The following VKORC1L1 variants were observed in gnomAD, a reference collection of about 807,000 sequenced individuals.
The protein encoded by VKORC1L1 is vitamin K epoxide reductase complex subunit 1L1.
VKORC1L1 carries 2 observed loss-of-function variants against 18.9 expected under a neutral mutation model. The observed-to-expected ratio is 0.11, with a 90% confidence interval of 0.04 to 0.33. VKORC1L1 has a LOEUF of 0.33. VKORC1L1 is among the 10% of genes least tolerant of loss of function. The pLI is 1.00. For missense variants in VKORC1L1, 123 were observed against 224.1 expected, an observed-to-expected ratio of 0.55 and a Z score of 2.88; for synonymous variants, 96 against 100.0, an observed-to-expected ratio of 0.96 and a Z score of 0.24.
intron 1 of VKORC1L1, among the ~76,000 whole-genome samples, chr7:65,885,444 T>A (rs1788995551): frequency 6.6e-6 from 1 of 152,210 alleles, no homozygotes; most frequent in Non-Finnish European, 1.5e-5. Context: ...GGAAAATCTT[T>A]CACATATTTA....
chr7:65,942,256 G>A (rs183482106), intron 1 of VKORC1L1, among the ~76,000 whole-genome samples: 2 of 151,914 alleles, frequency 1.3e-5, no homozygotes, highest in African/African-American at 2.4e-5. Flanking sequence ...GGGAGGCTGA[G>A]ACGAGCGGAT....
chr7:65,876,752 C>T (rs1788833548), intron 1 of VKORC1L1, among the ~76,000 whole-genome samples: 1 of 152,282 alleles, frequency 6.6e-6, no homozygotes, highest in East Asian at 1.9e-4. Context: ...GGGCTTTTAA[C>T]ACCTACTTAG....
At chr7:65,931,776 G>A (rs903512689) in intron 1 of VKORC1L1, among the ~76,000 whole-genome samples, 8 of 151,726 alleles carry the variant, frequency 5.3e-5, no homozygotes, top group African/African-American at 1.9e-4. Context: ...AGAATAGCTG[G>A]GATTACAGAC....
chr7:65,905,955 A>G (rs965433035), intron 1 of VKORC1L1, among the ~76,000 whole-genome samples: 1 of 152,102 alleles, frequency 6.6e-6, no homozygotes, highest in Non-Finnish European at 1.5e-5. Context: ...CATAAAACGT[A>G]TACATTTATT....
intron 1 of VKORC1L1, among the ~76,000 whole-genome samples, chr7:65,885,606 G>T (rs1418463783): frequency 6.6e-6 from 1 of 151,986 alleles, no homozygotes; most frequent in Non-Finnish European, 1.5e-5. Flanking sequence ...TAAGGGTAGG[G>T]ATCTAAATTT....
intron 1 of VKORC1L1, among the ~76,000 whole-genome samples, chr7:65,885,272 G>A (rs1255650242): frequency 6.6e-6 from 1 of 151,888 alleles, no homozygotes; most frequent in Non-Finnish European, 1.5e-5. Flanking sequence ...TGCTTTATAG[G>A]AGTTCTTTAG....
At chr7:65,879,734 T>C (rs1235435142) in intron 1 of VKORC1L1, among the ~76,000 whole-genome samples, 2 of 151,942 alleles carry the variant, frequency 1.3e-5, no homozygotes, top group Non-Finnish European at 2.9e-5. Context: ...CTTTTCTTTC[T>C]TTTTCCTTCC....
intron 1 of VKORC1L1, among the ~76,000 whole-genome samples, chr7:65,927,644 A>G (rs1371852620): frequency 6.6e-6 from 1 of 152,164 alleles, no homozygotes; most frequent in Non-Finnish European, 1.5e-5. Flanking sequence ...CCAGTTGCTC[A>G]TTGGCTGAGT....
intron 1 of VKORC1L1, among the ~76,000 whole-genome samples, chr7:65,884,603 C>T (rs1280112257): frequency 2.0e-5 from 3 of 152,150 alleles, no homozygotes; most frequent in African/African-American, 7.2e-5. Flanking sequence ...TGCCATTGTA[C>T]TTCAGCCTGG....
intron 1 of VKORC1L1, among the ~76,000 whole-genome samples, chr7:65,874,849 C>T (rs913545083): frequency 4.6e-5 from 7 of 151,996 alleles, no homozygotes; most frequent in African/African-American, 1.7e-4. Context: ...TAAAAATTGA[C>T]TTGTCTTTAA....
At chr7:65,876,449 C>T (rs570226899) in intron 1 of VKORC1L1, among the ~76,000 whole-genome samples, 54 of 151,756 alleles carry the variant, frequency 3.6e-4, no homozygotes, top group Admixed American at 3.2e-3. Flanking sequence ...TTGCAGTAAG[C>T]CAAGATCGCG....
intron 1 of VKORC1L1, among the ~76,000 whole-genome samples, chr7:65,898,922 C>T (rs1387885704): frequency 6.6e-6 from 1 of 152,136 alleles, no homozygotes. Context: ...ATAGTGTTTG[C>T]CCTTTTGTAA....
At chr7:65,870,159 G>C (rs1423520491), upstream of VKORC1L1, among the ~76,000 whole-genome samples, 1 of 151,548 alleles carries the variant, frequency 6.6e-6, no homozygotes, top group African/African-American at 2.4e-5. Context: ...GCCAGACATG[G>C]TGGCTCACAC....
At chr7:65,871,385 G>T (rs565772169), upstream of VKORC1L1, among the ~76,000 whole-genome samples, 17 of 152,042 alleles carry the variant, frequency 1.1e-4, no homozygotes, top group East Asian at 3.3e-3. Context: ...TAGTAGAGAC[G>T]GGGTTTCACC....
chr7:65,934,760 A>T (rs1460227650), intron 1 of VKORC1L1, among the ~76,000 whole-genome samples: 2 of 152,012 alleles, frequency 1.3e-5, no homozygotes, highest in South Asian at 2.1e-4. Flanking sequence ...TTTAGATATT[A>T]AAAAAAAGTC....
intron 1 of VKORC1L1, among the ~76,000 whole-genome samples, chr7:65,943,507 T>G: frequency 6.6e-6 from 1 of 152,218 alleles, no homozygotes; most frequent in Admixed American, 6.5e-5. Flanking sequence ...GCATCTTACA[T>G]GTACCCATCT....
chr7:65,876,066 A>G (rs572637732), intron 1 of VKORC1L1, among the ~76,000 whole-genome samples: 1 of 152,326 alleles, frequency 6.6e-6, no homozygotes, highest in East Asian at 1.9e-4. Context: ...GGAAAGTTCC[A>G]GATTTTATAT....
At chr7:65,902,265 A>G (rs1789331313) in intron 1 of VKORC1L1, among the ~76,000 whole-genome samples, 1 of 152,256 alleles carries the variant, frequency 6.6e-6, no homozygotes, top group African/African-American at 2.4e-5. Flanking sequence ...ATATGCTGTC[A>G]GTTCAAAAAA....
intron 1 of VKORC1L1, among the ~76,000 whole-genome samples, chr7:65,945,452 A>C (rs551868594): frequency 1.3e-5 from 2 of 152,118 alleles, no homozygotes; most frequent in African/African-American, 4.8e-5. Flanking sequence ...TCTACTAAAA[A>C]TACAAAAAAA....
Sources: gnomAD v4.1 joint callset for allele counts (sites outside exome capture counted in the v4.1 genomes callset) on GRCh38, gnomAD v4.1.1 for gene constraint, MANE v1.5 for transcripts, NCBI Gene and HGNC (gene_info 2026-07-23, HGNC 2026-07-21) for gene names.